Variants in DCDC1 observed in about 807,000 individuals in gnomAD.
The protein encoded by DCDC1 is doublecortin domain containing 1, also known as doublecortin domain-containing protein 1.
Under a neutral mutation model 178.3 loss-of-function variants are expected in DCDC1, and 200 were observed. That is an observed-to-expected ratio of 1.12 (90% CI 1.00 to 1.26). The LOEUF (loss-of-function observed/expected upper bound fraction) is 1.26, where lower values mean the gene tolerates loss of function less well. DCDC1 is among the 50% of genes most tolerant of loss of function. The pLI is 0.00. For synonymous variants in DCDC1, 690 were observed against 604.8 expected (o/e 1.14, Z -2.07); for missense variants, 1,983 against 1,749.2 (o/e 1.13, Z -2.38).
At chr11:31,216,410 AC>A (rs1377075974) in intron 9 of DCDC1, among the ~76,000 whole-genome samples, 1 of 152,134 alleles carries the variant, frequency 6.6e-6, no homozygotes, top group African/African-American at 2.4e-5. Flanking sequence ...GTGCTGAGAT[AC>A]TACTCTGCAC....
rs767909062 is a variant in DCDC1 at position 31,102,203 on chromosome 11, A to G, written c.1957T>C (p.Leu653=). The change falls in exon 15 of 39, where the codon TTG becomes CTG. Residue 653 remains leucine, a synonymous_variant. Transcript: ENST00000684477. The part of the protein sequence containing the change: ...QIPDQFEKVD[L]ENHFLQNKVD... ...TTGTTCTGTAGAAAATGGTTCTCCAAGTCCACCTTTTCAAACTGGTCAGGT... is the reference window on the plus strand; with the variant it reads ...TTGTTCTGTAGAAAATGGTTCTCCAGGTCCACCTTTTCAAACTGGTCAGGT... 6 of 730,110 alleles carry G rather than the reference A, an allele frequency of 8.2e-6. No individual in the cohort carries two copies. Among genetic ancestry groups the G allele is most frequent in the Admixed American group, 7.0e-5 (4 of 56,784 alleles). 45.2% of individuals were successfully genotyped at this position (730,110 alleles called of 1,614,324 possible). A position where few individuals can be genotyped will look rare whatever the true frequency, so the allele number is the denominator to read the frequency against.
At chr11:30,960,031 A>AAAAG (rs1949001107) in intron 20 of DCDC1, among the ~76,000 whole-genome samples, 1 of 152,154 alleles carries the variant, frequency 6.6e-6, no homozygotes, top group Non-Finnish European at 1.5e-5. Flanking sequence ...TGAAGCACCC[A>AAAAG]AAAGACACGG....
At chr11:31,346,463 C>CAAA (rs377761189) in intron 1 of DCDC1, among the ~76,000 whole-genome samples, 21 of 83,690 alleles carry the variant, frequency 2.5e-4, no homozygotes, top group East Asian at 7.5e-4. Context: ...GACTCCGTCT[C>CAAA]AAAAAAAAAA....
chr11:30,983,861 A>G (rs1181743935), intron 20 of DCDC1, among the ~76,000 whole-genome samples: 5 of 152,138 alleles, frequency 3.3e-5, no homozygotes, highest in African/African-American at 9.7e-5. Context: ...CAATTCTCTG[A>G]GAATGGAAAC....
chr11:31,314,805 T>A (rs1948971220), intron 3 of DCDC1, among the ~76,000 whole-genome samples: 1 of 152,208 alleles, frequency 6.6e-6, no homozygotes. Flanking sequence ...AAATCTTTTC[T>A]CTTTTGCCAT....
intron 1 of DCDC1, among the ~76,000 whole-genome samples, chr11:31,364,027 T>A (rs1339701545): frequency 6.6e-6 from 1 of 152,196 alleles, no homozygotes; most frequent in Non-Finnish European, 1.5e-5. Flanking sequence ...GAGCAGCAGC[T>A]GCCAGTGAAC....
At chr11:31,028,057 T>TA (rs987385955) in intron 20 of DCDC1, among the ~76,000 whole-genome samples, 3 of 151,768 alleles carry the variant, frequency 2.0e-5, no homozygotes, top group South Asian at 2.1e-4. Flanking sequence ...ATAATTAGTA[T>TA]AAAAAAACAA....
At chr11:31,227,561 T>TA (rs1312070132) in intron 9 of DCDC1, among the ~76,000 whole-genome samples, 1 of 152,096 alleles carries the variant, frequency 6.6e-6, no homozygotes, top group Non-Finnish European at 1.5e-5. Flanking sequence ...CAAAGAAACT[T>TA]ATTTTATCCA....
chr11:30,959,434 T>C (rs1948962053), intron 20 of DCDC1, among the ~76,000 whole-genome samples: 1 of 152,046 alleles, frequency 6.6e-6, no homozygotes, highest in South Asian at 2.1e-4. Context: ...TGTAGTCACT[T>C]CGTCTTCTAC....
intron 22 of DCDC1, among the ~76,000 whole-genome samples, chr11:30,928,758 T>C (rs566450389): frequency 7.5e-4 from 112 of 149,964 alleles, no homozygotes; most frequent in African/African-American, 2.6e-3. Flanking sequence ...ATTTATACTA[T>C]GAGTAATTTT....
chr11:31,035,043 T>A (rs1953934343), intron 20 of DCDC1, among the ~76,000 whole-genome samples: 1 of 152,196 alleles, frequency 6.6e-6, no homozygotes, highest in African/African-American at 2.4e-5. Flanking sequence ...GTTCAGCAGA[T>A]TCTAGTTTTT....
chr11:31,225,608 A>C (rs1974839182), intron 9 of DCDC1, among the ~76,000 whole-genome samples: 1 of 150,100 alleles, frequency 6.7e-6, no homozygotes, highest in Non-Finnish European at 1.5e-5. Flanking sequence ...GTACATATAC[A>C]TATATGTAAT....
chr11:31,111,437 T>G (rs1959173910), intron 11 of DCDC1, among the ~76,000 whole-genome samples: 1 of 152,110 alleles, frequency 6.6e-6, no homozygotes, highest in Non-Finnish European at 1.5e-5. Context: ...AAAAGAGTAG[T>G]AATGTCAAAA....
chr11:31,134,338 T>A (rs1565328880), intron 10 of DCDC1, among the ~76,000 whole-genome samples: 1 of 152,156 alleles, frequency 6.6e-6, no homozygotes, highest in Non-Finnish European at 1.5e-5. Flanking sequence ...TGCTCTGAAA[T>A]CCATCCCCAG....
intron 7 of DCDC1, among the ~76,000 whole-genome samples, chr11:31,279,573 A>T (rs899565797): frequency 2.0e-5 from 3 of 152,180 alleles, no homozygotes; most frequent in African/African-American, 7.2e-5. Context: ...TAAAAAAAGG[A>T]TGAGTTCATG....
intron 1 of DCDC1, among the ~76,000 whole-genome samples, chr11:31,336,126 T>C (rs1483400306): frequency 6.6e-6 from 1 of 152,172 alleles, no homozygotes; most frequent in Non-Finnish European, 1.5e-5. Context: ...CAGATGTTAA[T>C]AGGTAATAAA....
At chr11:31,204,208 G>C (rs1971618853) in intron 9 of DCDC1, among the ~76,000 whole-genome samples, 1 of 152,028 alleles carries the variant, frequency 6.6e-6, no homozygotes, top group African/African-American at 2.4e-5. Flanking sequence ...CAAATTTGGT[G>C]GATGAATAAA....
chr11:30,941,761 T>G (rs1947658004), intron 21 of DCDC1, among the ~76,000 whole-genome samples: 1 of 152,124 alleles, frequency 6.6e-6, no homozygotes, highest in African/African-American at 2.4e-5. Context: ...AAACAAAATC[T>G]GAAAACTGTG....
At chr11:31,359,545 T>C (rs1951594960) in intron 1 of DCDC1, among the ~76,000 whole-genome samples, 1 of 151,930 alleles carries the variant, frequency 6.6e-6, no homozygotes, top group Non-Finnish European at 1.5e-5. Context: ...GTAACTAACC[T>C]GCACATTGTG....
Sources: allele counts gnomAD v4.1 joint callset (sites outside exome capture counted in the v4.1 genomes callset), GRCh38; gene constraint gnomAD v4.1.1; transcripts MANE v1.5; gene names NCBI Gene and HGNC (gene_info 2026-07-23, HGNC 2026-07-21).